ADGRL3: variants seen among roughly 807,000 people sequenced by gnomAD.
The protein encoded by ADGRL3 is calcium-independent alpha-latrotoxin receptor 3.
ADGRL3 carries 62 observed loss-of-function variants against 153.5 expected under a neutral mutation model. The ratio of observed to expected loss-of-function variants is 0.40; its 90% CI spans 0.33 to 0.50. The LOEUF is 0.50. Among genes scored for constraint, ADGRL3 ranks in the 20% least tolerant of loss-of-function variants. The pLI, the probability that ADGRL3 is intolerant of heterozygous loss-of-function variation, is 0.47. For synonymous variants in ADGRL3, 710 were observed against 672.5 expected (o/e 1.06, Z -0.86); for missense variants, 1,641 against 1,859.4 (o/e 0.88, Z 2.16).
intron 1 of ADGRL3, among the ~76,000 whole-genome samples, chr4:61,303,449 G>T (rs2094651461): frequency 6.6e-6 from 1 of 151,860 alleles, no homozygotes; most frequent in Admixed American, 6.6e-5. Context: ...GATAACTCTG[G>T]ATTTGCCAGG....
intron 5 of ADGRL3, among the ~76,000 whole-genome samples, chr4:61,606,790 C>G (rs1345375430): frequency 6.6e-6 from 1 of 151,942 alleles, no homozygotes; most frequent in Non-Finnish European, 1.5e-5. Context: ...GAGTCCCTGT[C>G]TTGCATAATG....
At chr4:61,748,020 C>G (rs2096693440) in intron 8 of ADGRL3, among the ~76,000 whole-genome samples, 1 of 151,818 alleles carries the variant, frequency 6.6e-6, no homozygotes, top group Admixed American at 6.6e-5. Context: ...TCTCAGGATA[C>G]AAAATCAATG....
At chr4:61,861,345 T>A (rs1338603371) in intron 9 of ADGRL3, among the ~76,000 whole-genome samples, 1 of 152,182 alleles carries the variant, frequency 6.6e-6, no homozygotes, top group African/African-American at 2.4e-5. Context: ...TGGTAATACC[T>A]GCTAAATGTT....
chr4:61,614,577 A>G (rs535462544), intron 5 of ADGRL3, among the ~76,000 whole-genome samples: 118 of 152,296 alleles, frequency 7.7e-4, no homozygotes, highest in African/African-American at 2.6e-3. Context: ...TGCTAACAGA[A>G]TAAAGGTAAA....
chr4:61,895,903 G>GA (rs906939467), intron 11 of ADGRL3, 69 bp downstream of exon 11: 120 of 797,254 alleles, frequency 1.5e-4, no homozygotes, highest in South Asian at 4.3e-4. Flanking sequence ...ATAGCTGTTG[G>GA]AAAAAAAACA....
intron 5 of ADGRL3, among the ~76,000 whole-genome samples, chr4:61,627,975 A>G (rs761712818): frequency 1.3e-5 from 2 of 152,198 alleles, no homozygotes; most frequent in Non-Finnish European, 2.9e-5. Flanking sequence ...GCAAACCTCA[A>G]TAACAAGGAT....
intron 17 of ADGRL3, among the ~76,000 whole-genome samples, chr4:61,961,656 G>A (rs1365343088): frequency 6.6e-6 from 1 of 151,436 alleles, no homozygotes; most frequent in African/African-American, 2.4e-5. Flanking sequence ...TCTGTGAAGT[G>A]CAGGGAGGAA....
intron 21 of ADGRL3, among the ~76,000 whole-genome samples, chr4:62,002,445 A>T: frequency 6.6e-6 from 1 of 151,562 alleles, no homozygotes; most frequent in Middle Eastern, 3.4e-3. Flanking sequence ...TATCTTAAAA[A>T]TTAACTTTTT....
intron 1 of ADGRL3, among the ~76,000 whole-genome samples, chr4:61,266,650 T>C (rs1437097847): frequency 6.6e-6 from 1 of 151,834 alleles, no homozygotes; most frequent in African/African-American, 2.4e-5. Flanking sequence ...TTTAATGACA[T>C]AATTCTGAGT....
intron 15 of ADGRL3, among the ~76,000 whole-genome samples, chr4:61,945,796 G>A (rs1469062827): frequency 4.0e-5 from 6 of 151,738 alleles, no homozygotes; most frequent in Non-Finnish European, 5.9e-5. Context: ...GCTTCGGCTC[G>A]CGCACGGTGC....
At chr4:61,583,956 A>G (rs1379925650) in intron 4 of ADGRL3, among the ~76,000 whole-genome samples, 2 of 151,962 alleles carry the variant, frequency 1.3e-5, no homozygotes, top group Non-Finnish European at 2.9e-5. Context: ...GCAGTAGACT[A>G]TTTGACTCAT....
intron 17 of ADGRL3, among the ~76,000 whole-genome samples, chr4:61,956,229 T>C (rs2098965630): frequency 6.6e-6 from 1 of 152,192 alleles, no homozygotes. Flanking sequence ...ATAATTGCCA[T>C]TCTGACTGGC....
rs1408606942 is a variant in ADGRL3 at position 61,202,697 on chromosome 4, C to T, written c.-240+932C>T. Among the ~76,000 whole-genome samples the T allele has an allele frequency of 6.6e-6, 1 of 152,114 alleles. No homozygotes were observed. Among genetic ancestry groups the T allele is most frequent in the Non-Finnish European group, 1.5e-5 (1 of 68,020 alleles). ...TGCCGCGACCCAGCCTCCGGTCCCA[C>T]GTCGGAGCTCAGAAGCTTAGGGTGC... is the stretch of plus-strand genomic sequence containing the variant. On this transcript the variant is annotated intron_variant, in intron 1 of 26. Transcript: ENST00000683033. This position sits in a 1 kb window ranked among gnomAD's most constrained non-coding sequence, Gnocchi z 5.0.
chr4:61,396,317 C>A (rs933528603), intron 2 of ADGRL3, among the ~76,000 whole-genome samples: 4 of 151,380 alleles, frequency 2.6e-5, no homozygotes, highest in Non-Finnish European at 5.9e-5. Flanking sequence ...ATAATGTTGG[C>A]CCATTTCTGT....
chr4:62,044,668 C>A, intron 25 of ADGRL3, 119 bp downstream of exon 25: 1 of 621,656 alleles, frequency 1.6e-6, no homozygotes, highest in African/African-American at 1.9e-5. Context: ...ATTGTAAGAA[C>A]ATAAAACTTG....
intron 8 of ADGRL3, among the ~76,000 whole-genome samples, chr4:61,760,531 A>G (rs2096899044): frequency 6.6e-6 from 1 of 152,160 alleles, no homozygotes; most frequent in Non-Finnish European, 1.5e-5. Flanking sequence ...GGTGGGAGTG[A>G]CCCAATTTTC....
intron 9 of ADGRL3, among the ~76,000 whole-genome samples, chr4:61,872,545 T>G (rs528938277): frequency 6.6e-6 from 1 of 151,902 alleles, no homozygotes; most frequent in South Asian, 2.1e-4. Flanking sequence ...TTTGTAGGAT[T>G]AATTTATAAT....
At chr4:61,910,579 A>T (rs1291928865) in intron 12 of ADGRL3, among the ~76,000 whole-genome samples, 5 of 151,782 alleles carry the variant, frequency 3.3e-5, no homozygotes, top group Non-Finnish European at 5.9e-5. Flanking sequence ...TTCAAATGAC[A>T]TGGGTTCCCT....
intron 8 of ADGRL3, among the ~76,000 whole-genome samples, chr4:61,764,753 C>T (rs560070351): frequency 1.2e-4 from 18 of 151,666 alleles, no homozygotes; most frequent in East Asian, 3.9e-4. Flanking sequence ...AGTGTTGGGG[C>T]GGTGAAAATT....
Sources: gnomAD v4.1 joint callset for allele counts (sites outside exome capture counted in the v4.1 genomes callset) on GRCh38, gnomAD v4.1.1 for gene constraint, Gnocchi (gnomAD v3.1) non-coding constraint, MANE v1.5 for transcripts, NCBI Gene and HGNC (gene_info 2026-07-23, HGNC 2026-07-21) for gene names.